The following ABCA13 variants were observed in gnomAD, a reference collection of about 807,000 sequenced individuals.
ABCA13 encodes ATP-binding cassette sub-family A member 13.
A neutral mutation model predicts 478.7 loss-of-function variants in ABCA13; 476 were observed. The ratio of observed to expected loss-of-function variants is 0.99; its 90% CI spans 0.92 to 1.07. The LOEUF (loss-of-function observed/expected upper bound fraction) is 1.07. Ranked by LOEUF, ABCA13 falls within the 50% of genes least tolerant of loss-of-function variation. ABCA13 has a pLI of 0.00. For synonymous variants in ABCA13, 2,252 were observed against 2,158.9 expected (o/e 1.04, Z -1.20); for missense variants, 6,060 against 5,910.6 (o/e 1.03, Z -0.83).
At chr7:48,528,490 T>TG in intron 55 of ABCA13, 145 bp downstream of exon 55, 1 of 583,476 alleles carries the variant, frequency 1.7e-6, no homozygotes, top group South Asian at 3.1e-5. Context: ...TCCTCTGATG[T>TG]GGGGAAAAGT....
chr7:48,591,266 T>A (rs1300696647), intron 57 of ABCA13, among the ~76,000 whole-genome samples: 1 of 152,026 alleles, frequency 6.6e-6, no homozygotes, highest in Non-Finnish European at 1.5e-5. Flanking sequence ...AGTGTATTTG[T>A]CAAAGATTAA....
Position 48,274,731 on chromosome 7 carries a change from C to T in ABCA13, c.5065C>T (p.Leu1689=). ...TCAGCTTGAACAAGTTAGTGTAAAC[C>T]TAATGGATTTCTTTAAGAATATCAG... ...VDQLEQVSVN[L]MDFFKNISSV... Residue 1689 remains leucine (L), a synonymous_variant, in exon 17 of 62, where the codon CTA becomes TTA. Transcript: ENST00000435803. The T allele has an allele frequency of 6.2e-7, 1 of 1,613,950 alleles. No individual in the cohort carries two copies. Among genetic ancestry groups the T allele is most frequent in the Non-Finnish European group, 8.5e-7 (1 of 1,179,844 alleles).
At position 48,278,696 on chromosome 7, in the gene ABCA13, C is replaced by T. The variant is rs779924143; in HGVS notation, c.7502C>T (p.Thr2501Ile). ...VLKPLLEMSG[T>I]LVMLLNDSAD... The stretch of plus-strand genomic sequence containing the variant: ...AAACCCCTCTTAGAAATGTCTGGGA[C>T]TCTGGTCATGCTGTTGAATGACAGT... Residue 2501 changes from threonine to isoleucine, a missense_variant, in exon 18 of 62, where the codon ACT becomes ATT. Transcript: ENST00000435803. The T allele has an allele frequency of 7.4e-6, 12 of 1,613,882 alleles. No individual in the cohort carries two copies. The South Asian group carries it at 1.2e-4, about 16-fold the overall frequency.
At chr7:48,338,981 C>T (rs1285748694) in intron 29 of ABCA13, among the ~76,000 whole-genome samples, 1 of 152,164 alleles carries the variant, frequency 6.6e-6, no homozygotes, top group Admixed American at 6.5e-5. Flanking sequence ...TATTCCTGTT[C>T]CACCATGCAG....
intron 15 of ABCA13, among the ~76,000 whole-genome samples, chr7:48,254,016 A>G (rs768551794): frequency 4.1e-5 from 6 of 147,954 alleles, no homozygotes; most frequent in Admixed American, 6.7e-5. Flanking sequence ...TTTAGTCTCT[A>G]TGCCTCAGTC....
At chr7:48,357,515 C>T (rs927806554) in intron 31 of ABCA13, among the ~76,000 whole-genome samples, 2 of 152,000 alleles carry the variant, frequency 1.3e-5, no homozygotes, top group South Asian at 2.1e-4. Flanking sequence ...ACAAACTTAT[C>T]TCCTTGCTGG....
At chr7:48,294,946 A>C (rs1799169640) in intron 20 of ABCA13, among the ~76,000 whole-genome samples, 1 of 152,148 alleles carries the variant, frequency 6.6e-6, no homozygotes, top group Non-Finnish European at 1.5e-5. Context: ...CTATTCATTC[A>C]TCTCTTTAGA....
intron 42 of ABCA13, among the ~76,000 whole-genome samples, chr7:48,451,629 T>C (rs1401494515): frequency 6.6e-6 from 1 of 152,256 alleles, no homozygotes. Context: ...GCCCATTTTC[T>C]TTTGGAGTTT....
At chr7:48,572,199 T>A (rs533991247) in intron 55 of ABCA13, among the ~76,000 whole-genome samples, 101 of 152,230 alleles carry the variant, frequency 6.6e-4, no homozygotes, top group Middle Eastern at 3.4e-3. Flanking sequence ...AAAATACATA[T>A]TTTATTATTA....
intron 32 of ABCA13, among the ~76,000 whole-genome samples, chr7:48,371,718 A>G (rs1812659943): frequency 6.6e-6 from 1 of 152,148 alleles, no homozygotes; most frequent in African/African-American, 2.4e-5. Flanking sequence ...TAGATATAGG[A>G]TCATGTCATC....
intron 40 of ABCA13, among the ~76,000 whole-genome samples, chr7:48,411,745 G>T (rs1819278702): frequency 6.6e-6 from 1 of 152,150 alleles, no homozygotes; most frequent in Admixed American, 6.5e-5. Context: ...AGTCATCATT[G>T]CCTGTGTCAA....
chr7:48,288,188 T>C lies in ABCA13; in HGVS notation c.8955+110T>C, dbSNP rs572311990. On this transcript the variant is annotated intron_variant, in intron 20 of 61. Transcript: ENST00000435803. ...TTCGTTCTTATAACTACAGCAATGG[T>C]GTCATACACAGTCTTGTTGCAAGCT... 1.4e-4 allele frequency: 135 copies of C among 973,548 alleles called. No individual in the cohort carries two copies. In the African/African-American group the frequency reaches 2.0e-3, roughly 14 times the overall value. 60.3% of individuals were successfully genotyped at this position (973,548 alleles called of 1,614,324 possible).
chr7:48,398,882 G>C (rs1817217222), intron 38 of ABCA13, among the ~76,000 whole-genome samples: 1 of 152,166 alleles, frequency 6.6e-6, no homozygotes, highest in Non-Finnish European at 1.5e-5. Context: ...AAGCAGGCAA[G>C]AAAGAGAAAT....
At chr7:48,524,631 T>C (rs1832768580) in intron 54 of ABCA13, among the ~76,000 whole-genome samples, 191 bp downstream of exon 54, 1 of 149,652 alleles carries the variant, frequency 6.7e-6, no homozygotes, top group Non-Finnish European at 1.5e-5. Flanking sequence ...AGTAAAAACT[T>C]GGCTGATTGA....
chr7:48,188,670 C>G lies in ABCA13; in HGVS notation c.70-4289C>G, dbSNP rs185579108. Among the ~76,000 whole-genome samples, 3 of 151,634 alleles carry G rather than the reference C, an allele frequency of 2.0e-5. No homozygotes were observed. In the East Asian group the frequency reaches 5.8e-4, roughly 29 times the overall value. On this transcript the variant is annotated intron_variant, in intron 1 of 61. Transcript: ENST00000435803. The stretch of plus-strand genomic sequence containing the variant: ...TCTCCCCCCACCCCACCCATTTTGT[C>G]TGGAAGAAGAAAAAGTCTGTGAGGA...
At chr7:48,480,911 G>A (rs1027570446) in intron 45 of ABCA13, 125 bp from the exon 46 acceptor site, 22 of 663,070 alleles carry the variant, frequency 3.3e-5, no homozygotes, top group Non-Finnish European at 5.6e-5. Flanking sequence ...ACATATAAAG[G>A]GCTGCAGATA....
At chr7:48,180,802 T>C (rs1583995495) in intron 1 of ABCA13, among the ~76,000 whole-genome samples, 1 of 152,106 alleles carries the variant, frequency 6.6e-6, no homozygotes, top group African/African-American at 2.4e-5. Context: ...CTAGGGAGGC[T>C]GAGGCAGGAG....
intron 2 of ABCA13, among the ~76,000 whole-genome samples, chr7:48,194,528 C>T (rs142399676): frequency 1.3e-5 from 2 of 152,080 alleles, no homozygotes; most frequent in Admixed American, 1.3e-4. Context: ...GTCAGATGGA[C>T]CATTTTGTTT....
intron 52 of ABCA13, among the ~76,000 whole-genome samples, chr7:48,517,422 T>G (rs574008958): frequency 6.6e-6 from 1 of 152,318 alleles, no homozygotes; most frequent in African/African-American, 2.4e-5. Context: ...CCAAGGGCTT[T>G]CCTGAGCCTG....
Sources: gnomAD v4.1 joint callset for allele counts (sites outside exome capture counted in the v4.1 genomes callset) on GRCh38, gnomAD v4.1.1 for gene constraint, MANE v1.5 for transcripts, NCBI Gene and HGNC (gene_info 2026-07-23, HGNC 2026-07-21) for gene names.